LTBP1: variants seen among roughly 807,000 people sequenced by gnomAD.
LTBP1 encodes the protein latent transforming growth factor beta binding protein 1.
A neutral mutation model predicts 207.6 loss-of-function variants in LTBP1; 129 were observed. The ratio of observed to expected loss-of-function variants is 0.62; its 90% CI spans 0.54 to 0.72. The LOEUF (loss-of-function observed/expected upper bound fraction) is 0.72, where lower values mean the gene tolerates loss of function less well. Ranked by LOEUF, LTBP1 falls within the 30% of genes least tolerant of loss-of-function variation. LTBP1 has a pLI of 0.00. For missense variants in LTBP1, 2,281 were observed against 2,217.2 expected (o/e 1.03, Z -0.58); for synonymous variants, 963 against 833.7 (o/e 1.16, Z -2.67).
At chr2:33,002,329 A>G (rs947715846) in intron 2 of LTBP1, among the ~76,000 whole-genome samples, 4 of 152,208 alleles carry the variant, frequency 2.6e-5, no homozygotes, top group African/African-American at 4.8e-5. Flanking sequence ...TGGAGTGAGC[A>G]TCTGTGAGAC....
At chr2:33,279,689 C>A (rs1419761632) in intron 18 of LTBP1, among the ~76,000 whole-genome samples, 2 of 152,154 alleles carry the variant, frequency 1.3e-5, no homozygotes, top group Non-Finnish European at 2.9e-5. Flanking sequence ...CACCCCCATT[C>A]TTTGTATTTC....
At position 33,263,391 on chromosome 2, in the gene LTBP1, A is replaced by G; in HGVS notation, c.2616A>G (p.Thr872=). ...ASQVIAPTQV[T]EINECTVNPD... is the part of the protein sequence containing the mutation. ...AAGTGATTGCTCCTACTCAAGTGAC[A>G]GGTTGGTGCAGTATTTTTACATTAT... The change falls in exon 15 of 34, where the codon ACA becomes ACG. Residue 872 remains threonine (T), a splice_region_variant and synonymous_variant. Transcript: ENST00000404816. 2 of 1,610,754 alleles carry G rather than the reference A, an allele frequency of 1.2e-6. No homozygotes were observed. The highest frequency in any genetic ancestry group is 1.3e-5 in the African/African-American group (1 of 75,018).
chr2:33,392,825 A>T (rs1159602583), intron 32 of LTBP1, among the ~76,000 whole-genome samples: 2 of 151,844 alleles, frequency 1.3e-5, no homozygotes, highest in Admixed American at 1.3e-4. Context: ...ATTGTCGTAG[A>T]TTAAGTCTTT....
At chr2:33,336,033 G>C (rs1274594162) in intron 24 of LTBP1, among the ~76,000 whole-genome samples, 1 of 152,092 alleles carries the variant, frequency 6.6e-6, no homozygotes, top group Non-Finnish European at 1.5e-5. Context: ...TCTTCCAAGG[G>C]TCTCCTACAA....
chr2:33,260,470 CAA>C (rs1422016318), intron 13 of LTBP1, among the ~76,000 whole-genome samples: 1 of 151,964 alleles, frequency 6.6e-6, no homozygotes, highest in African/African-American at 2.4e-5. Flanking sequence ...TTTAAGCTGA[CAA>C]GAATGCATTA....
chr2:33,274,338 C>CTTT (rs71912114), intron 16 of LTBP1, among the ~76,000 whole-genome samples: 1 of 146,896 alleles, frequency 6.8e-6, no homozygotes. Context: ...TTTAATTTCT[C>CTTT]TTTTTTTTTT....
chr2:32,968,654 G>A (rs1362281127), intron 2 of LTBP1, among the ~76,000 whole-genome samples: 1 of 151,258 alleles, frequency 6.6e-6, no homozygotes, highest in Non-Finnish European at 1.5e-5. Flanking sequence ...AATAGCTACT[G>A]TATTTGTTAC....
Position 33,385,661 on chromosome 2 carries a change from G to C in LTBP1, c.4712-3523G>C, listed in dbSNP as rs1574111315. On this transcript the variant is annotated intron_variant, in intron 31 of 33. Transcript: ENST00000404816. ...TGGTGCAGTCAGGACTTGAGCCTCA[G>C]CTTCCACCTCTGAAGCCCATGTTCT... 1.3e-5 allele frequency among the ~76,000 whole-genome samples: 2 copies of C among 152,290 alleles called. 1 individual carries two copies. The highest frequency in any genetic ancestry group is 4.1e-4 in the South Asian group (2 of 4,822).
At chr2:32,983,486 A>C (rs1228816557) in intron 2 of LTBP1, among the ~76,000 whole-genome samples, 1 of 152,148 alleles carries the variant, frequency 6.6e-6, no homozygotes, top group Non-Finnish European at 1.5e-5. Flanking sequence ...GCTTTGAAAC[A>C]TGAGGACATG....
intron 5 of LTBP1, among the ~76,000 whole-genome samples, chr2:33,168,835 C>A (rs6543691): frequency 6.6e-6 from 1 of 152,108 alleles, no homozygotes; most frequent in African/African-American, 2.4e-5. Flanking sequence ...TAATTTCCAA[C>A]TCATAGTGAT....
intron 3 of LTBP1, among the ~76,000 whole-genome samples, chr2:33,033,889 G>A (rs764419233): frequency 4.6e-5 from 7 of 152,162 alleles, no homozygotes; most frequent in Admixed American, 2.0e-4. Flanking sequence ...GCAGGCAGAA[G>A]CCTTTAAAGT....
chr2:33,042,618 A>G (rs1388894661), intron 3 of LTBP1, among the ~76,000 whole-genome samples: 3 of 152,208 alleles, frequency 2.0e-5, no homozygotes, highest in Admixed American at 2.0e-4. Flanking sequence ...GCAAGGCCCA[A>G]TTCCCATCCT....
intron 7 of LTBP1, among the ~76,000 whole-genome samples, chr2:33,209,918 C>A (rs192949512): frequency 5.9e-5 from 9 of 152,314 alleles, no homozygotes; most frequent in African/African-American, 2.2e-4. Flanking sequence ...GTCTCTAGTG[C>A]CATTTTATAG....
intron 24 of LTBP1, 88 bp from the exon 25 acceptor site, chr2:33,342,750 G>A: frequency 6.8e-6 from 9 of 1,321,392 alleles, no homozygotes; most frequent in East Asian, 2.3e-5. Context: ...TAATCAGGAT[G>A]TGTTGAGTGC....
At chr2:32,959,738 A>T (rs1678790389) in intron 2 of LTBP1, among the ~76,000 whole-genome samples, 1 of 148,910 alleles carries the variant, frequency 6.7e-6, no homozygotes, top group Non-Finnish European at 1.5e-5. Flanking sequence ...CTTCTGCCTC[A>T]GCCACCCGAG....
At chr2:33,149,888 T>A (rs1260035844) in intron 5 of LTBP1, among the ~76,000 whole-genome samples, 1 of 152,198 alleles carries the variant, frequency 6.6e-6, no homozygotes, top group Non-Finnish European at 1.5e-5. Flanking sequence ...GATAGCATCA[T>A]CACACTTTCA....
intron 31 of LTBP1, among the ~76,000 whole-genome samples, chr2:33,377,138 A>C (rs371890948): frequency 1.3e-5 from 2 of 152,074 alleles, no homozygotes; most frequent in Admixed American, 1.3e-4. Context: ...GGGAAAACTT[A>C]CTCCTTCATT....
intron 20 of LTBP1, among the ~76,000 whole-genome samples, chr2:33,293,734 G>A (rs13397654): frequency 0.031 from 4,656 of 152,106 alleles, 118 homozygotes; most frequent in South Asian, 0.089. Flanking sequence ...CTTACATAAT[G>A]TCATTAATGA....
In LTBP1 at chr2:33,197,129, T is replaced by C. The variant is rs536622941; in HGVS notation, c.1701+8278T>C. ...AATAAATCATTGGTGTTTATGTGAATTAGGCTGTCTATATAGGCAGTCTCT... is the reference window on the plus strand; with the variant it reads ...AATAAATCATTGGTGTTTATGTGAACTAGGCTGTCTATATAGGCAGTCTCT... On this transcript the variant is annotated intron_variant, in intron 7 of 33. Transcript: ENST00000404816. Among the ~76,000 whole-genome samples, 112 of 152,356 alleles carry C rather than the reference T, an allele frequency of 7.4e-4. 1 individual carries two copies. Among genetic ancestry groups the C allele is most frequent in the African/African-American group, 2.5e-3 (106 of 41,580 alleles).
Sources: allele counts gnomAD v4.1 joint callset (sites outside exome capture counted in the v4.1 genomes callset), GRCh38; gene constraint gnomAD v4.1.1; transcripts MANE v1.5; gene names NCBI Gene and HGNC (gene_info 2026-07-23, HGNC 2026-07-21).